KLHL5: variants seen among roughly 807,000 people sequenced by gnomAD.
KLHL5 encodes the protein kelch like family member 5, also known as kelch-like protein 5.
KLHL5 carries 48 observed loss-of-function variants against 77.7 expected under a neutral mutation model. The observed-to-expected ratio is 0.62, with a 90% CI of 0.49 to 0.79. KLHL5 has a LOEUF of 0.79. KLHL5 is among the 30% of genes least tolerant of loss of function. The pLI is 0.00. For synonymous variants in KLHL5, 260 were observed against 297.0 expected, an observed-to-expected ratio of 0.88 and a Z score of 1.28; for missense variants, 723 against 859.7, an observed-to-expected ratio of 0.84 and a Z score of 1.99.
At chr4:39,136,852 C>A in the KLHL5 span, among the ~76,000 whole-genome samples, 1 of 152,156 alleles carries the variant, frequency 6.6e-6, no homozygotes, top group Non-Finnish European at 1.5e-5. Flanking sequence ...TGTGGGCTTT[C>A]AGAGCCCAAG....
chr4:39,054,249 C>A (rs1398453888), intron 1 of KLHL5, among the ~76,000 whole-genome samples: 1 of 152,204 alleles, frequency 6.6e-6, no homozygotes, highest in Non-Finnish European at 1.5e-5. Flanking sequence ...GAGAATACTT[C>A]TTGCTTTGAA....
intron 5 of KLHL5, among the ~76,000 whole-genome samples, chr4:39,091,851 T>TG (rs1553891369): frequency 1.4e-5 from 2 of 142,186 alleles, no homozygotes; most frequent in African/African-American, 2.6e-5. Context: ...AGTTTTTTTT[T>TG]TTTTTTTTTT....
intron 5 of KLHL5, among the ~76,000 whole-genome samples, chr4:39,089,913 A>G (rs970387376): frequency 2.0e-5 from 3 of 152,218 alleles, no homozygotes; most frequent in Non-Finnish European, 4.4e-5. Context: ...TGTATAATTT[A>G]AACAAGTTAC....
downstream of KLHL5, among the ~76,000 whole-genome samples, chr4:39,127,783 G>A (rs1484718137): frequency 6.6e-6 from 1 of 152,164 alleles, no homozygotes; most frequent in Admixed American, 6.5e-5. Flanking sequence ...TTTTGTGGAA[G>A]GAAAGAGGTC....
At chr4:39,131,874 C>A in the KLHL5 span, among the ~76,000 whole-genome samples, 2 of 140,422 alleles carry the variant, frequency 1.4e-5, no homozygotes, top group Admixed American at 7.5e-5. Flanking sequence ...GGTGATAGAG[C>A]GAGACCCTGT....
intron 4 of KLHL5, 81 bp from the exon 5 acceptor site, chr4:39,086,434 T>C (rs1435374410): frequency 3.4e-5 from 36 of 1,062,354 alleles, no homozygotes; most frequent in Non-Finnish European, 4.9e-5. Context: ...GTAGCTAATA[T>C]AAAAAGCTTT....
chr4:39,050,843 A>G (rs1203726292), intron 1 of KLHL5, among the ~76,000 whole-genome samples: 1 of 152,252 alleles, frequency 6.6e-6, no homozygotes, highest in Non-Finnish European at 1.5e-5. Flanking sequence ...ATAAGAAGGT[A>G]TAACTGGATC....
Position 39,081,940 on chromosome 4 carries a change from TG to T in KLHL5, c.704-21del, listed in dbSNP as rs2109382990. The stretch of plus-strand genomic sequence containing the variant: ...AAGGTTAATGTAGTTCCATGGCTAA[TG>T]GAATTTCTTTTTATCATTAAGGCCG... On this transcript the variant is annotated intron_variant, in intron 3 of 10. Coordinates refer to ENST00000504108, the MANE Select transcript of KLHL5 (RefSeq NM_015990.5). This position sits in a 1 kb window ranked among gnomAD's most constrained non-coding sequence, Gnocchi z 4.3. 6.5e-7 allele frequency: 1 copy of T among 1,527,846 alleles called. No homozygotes were observed. Among genetic ancestry groups the T allele is most frequent in the Non-Finnish European group, 8.9e-7 (1 of 1,129,058 alleles). The allele number at this position is 1,527,846 out of a possible 1,614,324, so 94.6% of individuals were successfully genotyped here.
chr4:39,109,839 A>T (rs1030138189), intron 8 of KLHL5, among the ~76,000 whole-genome samples: 1 of 150,596 alleles, frequency 6.6e-6, no homozygotes, highest in African/African-American at 2.4e-5. Context: ...ACCTGCCACC[A>T]TGCCCAGATA....
chr4:39,045,661 A>C (rs1716126282), intron 1 of KLHL5, among the ~76,000 whole-genome samples: 1 of 152,078 alleles, frequency 6.6e-6, no homozygotes, highest in Non-Finnish European at 1.5e-5. Context: ...ATTTCAGTGC[A>C]TGCTCTGGGA....
At chr4:39,096,198 T>G (rs1333116411) in intron 5 of KLHL5, among the ~76,000 whole-genome samples, 1 of 148,850 alleles carries the variant, frequency 6.7e-6, no homozygotes, top group East Asian at 1.9e-4. Context: ...TTTTAATGTT[T>G]TTAGACCAAT....
At chr4:39,059,635 C>T (rs1030187938), upstream of KLHL5, among the ~76,000 whole-genome samples, 2 of 152,166 alleles carry the variant, frequency 1.3e-5, no homozygotes, top group African/African-American at 4.8e-5. Flanking sequence ...GTAATCCCAG[C>T]TACTCAGGAG....
At chr4:39,080,753 A>T (rs570524565) in intron 2 of KLHL5, among the ~76,000 whole-genome samples, 1 of 152,232 alleles carries the variant, frequency 6.6e-6, no homozygotes, top group African/African-American at 2.4e-5. Context: ...CTATAATTAA[A>T]TTTTTTTAAA....
Position 39,062,484 on chromosome 4 carries a change from T to C in KLHL5, c.-169T>C, listed in dbSNP as rs1456315778. On this transcript the variant is annotated 5_prime_UTR_variant, in exon 1 of 11. Coordinates refer to ENST00000504108, the MANE Select transcript of KLHL5 (RefSeq NM_015990.5). ...ATCCTTTGTTCTTTAAAATCTGATA[T>C]ATTGGCATAAAAGTAATTGTAGATA... The C allele has an allele frequency of 6.3e-7, 1 of 1,583,726 alleles. No individual in the cohort carries two copies. Among genetic ancestry groups the C allele is most frequent in the South Asian group, 1.2e-5 (1 of 85,964 alleles).
At chr4:39,095,106 G>C (rs1437856771) in intron 5 of KLHL5, among the ~76,000 whole-genome samples, 1 of 152,128 alleles carries the variant, frequency 6.6e-6, no homozygotes, top group Non-Finnish European at 1.5e-5. Flanking sequence ...TAAAGGATTA[G>C]TGTGTGTATT....
Position 39,095,172 on chromosome 4 carries a change from G to A in KLHL5, c.1114-1520G>A, listed in dbSNP as rs1314667191. On this transcript the variant is annotated intron_variant, in intron 5 of 10. Transcript: ENST00000504108. ...GATAGTAGAAAAGAGGCAGATAAAG[G>A]AAGAAAAAAGTACAAATGGTCAAAA... Among the ~76,000 whole-genome samples, 3 of 151,990 alleles carry A rather than the reference G, an allele frequency of 2.0e-5. No individual in the cohort carries two copies. In the East Asian group the frequency reaches 5.8e-4, roughly 29 times the overall value.
At chr4:39,045,158 G>C (rs1414973862) in intron 1 of KLHL5, 1 of 983,974 alleles carries the variant, frequency 1.0e-6, no homozygotes, top group African/African-American at 1.8e-5. Context: ...CCCGCTTCCC[G>C]CCCCCACGCG....
chr4:39,046,166 A>AT (rs1175827226), intron 1 of KLHL5, among the ~76,000 whole-genome samples: 2 of 151,966 alleles, frequency 1.3e-5, no homozygotes, highest in Non-Finnish European at 2.9e-5. Context: ...TTGTTGGGTA[A>AT]TTGGGCAGGG....
At chr4:39,094,852 C>CA in intron 5 of KLHL5, among the ~76,000 whole-genome samples, 1 of 151,940 alleles carries the variant, frequency 6.6e-6, no homozygotes, top group Admixed American at 6.6e-5. Flanking sequence ...ACATTAATTT[C>CA]AAAAAAATGA....
Sources: gnomAD v4.1 joint callset for allele counts (sites outside exome capture counted in the v4.1 genomes callset) on GRCh38, gnomAD v4.1.1 for gene constraint, Gnocchi (gnomAD v3.1) non-coding constraint, MANE v1.5 for transcripts, NCBI Gene and HGNC (gene_info 2026-07-23, HGNC 2026-07-21) for gene names.